Variants in SENP6 observed in about 807,000 individuals in gnomAD.
SENP6 encodes the protein SUMO specific peptidase 6, also known as sentrin-specific protease 6.
In SENP6, 41 loss-of-function variants were observed where a neutral mutation model predicts 134.5. That is an observed-to-expected ratio of 0.30 (90% CI 0.24 to 0.40). SENP6 has a LOEUF of 0.40. Among genes scored for constraint, SENP6 ranks in the 10% least tolerant of loss-of-function variants. The pLI, the probability that SENP6 is intolerant of heterozygous loss-of-function variation, is 1.00. For missense variants in SENP6, 1,248 were observed against 1,312.5 expected, an observed-to-expected ratio of 0.95 and a Z score of 0.76; for synonymous variants, 395 against 429.8, an observed-to-expected ratio of 0.92 and a Z score of 1.00.
chr6:75,689,247 A>G (rs1245816012), intron 16 of SENP6, among the ~76,000 whole-genome samples: 1 of 152,172 alleles, frequency 6.6e-6, no homozygotes, highest in Non-Finnish European at 1.5e-5. Flanking sequence ...GAAAAAAATA[A>G]AATCTTTATA....
Position 75,697,429 on chromosome 6 carries a change from C to A in SENP6, c.2200C>A (p.Gln734Lys), listed in dbSNP as rs1366566639. 1.2e-6 allele frequency: 2 copies of A among 1,607,810 alleles called. No individual in the cohort carries two copies. The highest frequency in any genetic ancestry group is 1.7e-6 in the Non-Finnish European group (2 of 1,176,314). The change falls in exon 18 of 24, where the codon CAG (glutamine) becomes AAG (lysine). Residue 734 changes from glutamine to lysine, a missense_variant. Gln to Lys is a moderately conservative substitution (Grantham distance 53, BLOSUM62 1). This residue lies in a region of SENP6 where 129 missense variants were observed against 192.0 expected (regional missense o/e 0.67). Coordinates refer to ENST00000447266, the MANE Select transcript of SENP6 (RefSeq NM_015571.4). The stretch of plus-strand genomic sequence containing the variant: ...TAATTTATCTCTTTCTTACAGAATA[C>A]AGCAAAAACGGCATGGGAGAGTAAA... Reference protein sequence around the residue: ...RNHETTNLSIQQKRHGRVKTW... With the variant: ...RNHETTNLSIKQKRHGRVKTW...
intron 13 of SENP6, 32 bp from the exon 14 acceptor site, chr6:75,676,996 GTT>G (rs35745959): frequency 4.7e-5 from 46 of 987,826 alleles, no homozygotes; most frequent in Admixed American, 7.0e-5. Context: ...CTTCTTTTGT[GTT>G]TTTTTTTGGA....
chr6:75,666,197 GTATATATGATA>G (rs1772220561), intron 9 of SENP6, among the ~76,000 whole-genome samples: 1 of 97,566 alleles, frequency 1.0e-5, no homozygotes, highest in Non-Finnish European at 2.7e-5. Flanking sequence ...TATATAAAAC[GTATATATGATA>G]TATATAAGTA....
chr6:75,685,021 C>T (rs528326485), intron 16 of SENP6, among the ~76,000 whole-genome samples: 1 of 152,268 alleles, frequency 6.6e-6, no homozygotes, highest in Non-Finnish European at 1.5e-5. Context: ...GTGAATCCAT[C>T]TGGTCCTGGA....
chr6:75,671,345 A>G (rs1772659324), intron 11 of SENP6, among the ~76,000 whole-genome samples: 1 of 152,150 alleles, frequency 6.6e-6, no homozygotes, highest in African/African-American at 2.4e-5. Context: ...CCTTTGTTTT[A>G]TAATGCCTTA....
At chr6:75,665,194 G>A (rs1772104817) in intron 9 of SENP6, among the ~76,000 whole-genome samples, 1 of 152,042 alleles carries the variant, frequency 6.6e-6, no homozygotes, top group African/African-American at 2.4e-5. Context: ...GCTGAGGCAG[G>A]AGAATGGCAT....
intron 16 of SENP6, among the ~76,000 whole-genome samples, chr6:75,693,486 A>G (rs149912559): frequency 2.2e-4 from 34 of 152,106 alleles, no homozygotes; most frequent in African/African-American, 8.0e-4. Flanking sequence ...CACTCATTAC[A>G]GTATAGTCCC....
intron 6 of SENP6, chr6:75,643,967 T>C (rs1253262924): frequency 6.6e-6 from 1 of 152,140 alleles, no homozygotes. Context: ...TCCTGGTTTC[T>C]AAATACCACT....
Position 75,710,702 on chromosome 6 carries a change from A to G in SENP6, c.2821-626A>G, listed in dbSNP as rs146275475. On this transcript the variant is annotated intron_variant, in intron 20 of 23. Coordinates refer to ENST00000447266, the MANE Select transcript of SENP6 (RefSeq NM_015571.4). ...CTAATGTAACTGCTTTATTATTACT[A>G]TTATTCCTACTATTGATTATTCCAT... Among the ~76,000 whole-genome samples the G allele has an allele frequency of 1.1e-4, 16 of 152,278 alleles. No homozygotes were observed. In the East Asian group the frequency reaches 3.1e-3, roughly 29 times the overall value.
intron 1 of SENP6, among the ~76,000 whole-genome samples, chr6:75,612,289 A>G (rs1018343387): frequency 6.6e-6 from 1 of 152,244 alleles, no homozygotes; most frequent in Non-Finnish European, 1.5e-5. Flanking sequence ...GCAGAGCCAC[A>G]TAAAATTGCT....
intron 18 of SENP6, chr6:75,697,748 A>G: frequency 2.5e-6 from 1 of 396,164 alleles, no homozygotes; most frequent in South Asian, 8.4e-5. Context: ...ATCTCATTTT[A>G]TTCATTAATG....
At chr6:75,665,900 A>G (rs1443642532) in intron 9 of SENP6, among the ~76,000 whole-genome samples, 1 of 151,598 alleles carries the variant, frequency 6.6e-6, no homozygotes, top group Non-Finnish European at 1.5e-5. Context: ...AGTGGTGCAC[A>G]CATGTAATCC....
chr6:75,620,581 A>C (rs1768194987), intron 1 of SENP6: 1 of 152,162 alleles, frequency 6.6e-6, no homozygotes. Context: ...CCACCTCTTA[A>C]TACCATCTGT....
At chr6:75,657,361 T>G (rs1206005614) in intron 7 of SENP6, among the ~76,000 whole-genome samples, 1 of 152,176 alleles carries the variant, frequency 6.6e-6, no homozygotes, top group African/African-American at 2.4e-5. Context: ...ACCTGGATGC[T>G]CTGGACTGGA....
Position 75,613,022 on chromosome 6 carries a change from G to A in SENP6, c.53-8510G>A, listed in dbSNP as rs561662114. On this transcript the variant is annotated intron_variant, in intron 1 of 23. Coordinates refer to ENST00000447266, the MANE Select transcript of SENP6 (RefSeq NM_015571.4). ...CCAGCTACTTGGGAGGCTGAGGCAC[G>A]AGAATCGCTTGAACCCAGGAGGCAG... Among the ~76,000 whole-genome samples, 5 of 152,084 alleles carry A rather than the reference G, an allele frequency of 3.3e-5. No individual in the cohort carries two copies. In the East Asian group the frequency reaches 9.7e-4, roughly 29 times the overall value.
intron 7 of SENP6, among the ~76,000 whole-genome samples, chr6:75,654,272 T>C (rs1272448757): frequency 1.3e-5 from 2 of 152,180 alleles, no homozygotes; most frequent in African/African-American, 2.4e-5. Context: ...AGCTGAGTTT[T>C]GAATCACTGG....
intron 16 of SENP6, among the ~76,000 whole-genome samples, chr6:75,692,398 T>C (rs1774340365): frequency 6.6e-6 from 1 of 151,866 alleles, no homozygotes; most frequent in South Asian, 2.1e-4. Flanking sequence ...TGCTGGAGGA[T>C]TGCTTCAGGC....
chr6:75,639,280 CTTGT>C (rs1317452876), intron 5 of SENP6, among the ~76,000 whole-genome samples: 1 of 152,004 alleles, frequency 6.6e-6, no homozygotes, highest in Non-Finnish European at 1.5e-5. Flanking sequence ...ATTATATTCC[CTTGT>C]TTTTCTGTCA....
At chr6:75,680,499 G>T (rs532327247) in intron 16 of SENP6, among the ~76,000 whole-genome samples, 1 of 152,282 alleles carries the variant, frequency 6.6e-6, no homozygotes, top group African/African-American at 2.4e-5. Context: ...CATTTTAAGA[G>T]ATAGACCGGG....
Sources: gnomAD v4.1 joint callset for allele counts (sites outside exome capture counted in the v4.1 genomes callset) on GRCh38, gnomAD v4.1.1 for gene constraint, gnomAD v4.1.1 regional missense constraint, MANE v1.5 for transcripts, NCBI Gene and HGNC (gene_info 2026-07-23, HGNC 2026-07-21) for gene names.